Variants in RHCE observed in about 807,000 individuals in gnomAD.
The protein encoded by RHCE is Rh blood group CcEe antigens.
In RHCE, 22 loss-of-function variants were observed where a neutral mutation model predicts 43.8. The ratio of observed to expected loss-of-function variants is 0.50; its 90% CI spans 0.36 to 0.72. The LOEUF is 0.72. Ranked by LOEUF, RHCE falls within the 30% of genes least tolerant of loss-of-function variation. The probability of loss-of-function intolerance (pLI) is 0.00; values close to 1 mark genes in which losing one functional copy is unlikely to be tolerated. For synonymous variants in RHCE, 156 were observed against 210.7 expected, an observed-to-expected ratio of 0.74 and a Z score of 2.25; for missense variants, 385 against 525.4, an observed-to-expected ratio of 0.73 and a Z score of 2.61.
chr1:25,376,710 G>A (rs1645798705), intron 7 of RHCE, among the ~76,000 whole-genome samples: 2 of 152,018 alleles, frequency 1.3e-5, no homozygotes, highest in South Asian at 2.1e-4. Context: ...GTCAGGAGAT[G>A]GAGACCATCC....
intron 8 of RHCE, among the ~76,000 whole-genome samples, chr1:25,371,721 CT>C (rs879386851): frequency 1.5e-4 from 22 of 151,592 alleles, no homozygotes; most frequent in Admixed American, 5.9e-4. Flanking sequence ...ATATGTATTC[CT>C]CCAGCTTCCC....
rs768223782 is a variant in RHCE, at chr1:25,420,655, G to C, written c.132C>G (p.Leu44=). ...AACTCTCACCTTGATAGGATGCCAC[G>C]AGCCCCTTTTGATCCTCTAAGGAAG... The part of the protein sequence containing the change: ...YDASLEDQKG[L]VASYQVGQDL... The change falls in exon 1 of 10, where the codon CTC becomes CTG. Residue 44 remains leucine (L), a synonymous_variant. Transcript: ENST00000294413. The C allele has an allele frequency of 6.2e-7, 1 of 1,613,798 alleles. No homozygotes were observed. The highest frequency in any genetic ancestry group is 8.5e-7 in the Non-Finnish European group (1 of 1,179,826).
upstream of RHCE, among the ~76,000 whole-genome samples, chr1:25,422,362 CA>C (rs1251693871): frequency 6.6e-5 from 10 of 152,082 alleles, no homozygotes; most frequent in African/African-American, 2.2e-4. Context: ...AGTTATATAA[CA>C]GCATGTACAA....
chr1:25,379,457 A>G (rs1187284727), intron 7 of RHCE, among the ~76,000 whole-genome samples: 6 of 28,170 alleles, frequency 2.1e-4, no homozygotes, highest in African/African-American at 7.4e-4. Flanking sequence ...CAAAGTATAT[A>G]TATATATATA....
chr1:25,417,532 C>G (rs1647654730), intron 1 of RHCE, among the ~76,000 whole-genome samples: 1 of 152,118 alleles, frequency 6.6e-6, no homozygotes, highest in African/African-American at 2.4e-5. Flanking sequence ...TCAGATCTGA[C>G]AAGTCAATCA....
In RHCE at chr1:25,362,265, C is replaced by T. The variant is rs1645420036; in HGVS notation, c.*262G>A. ...AATTGTCAATAAAATTAACCCAAAA[C>T]TTTAATAATGTGTCTGTAACCAAGA... is the stretch of plus-strand genomic sequence containing the variant. On this transcript the variant is annotated 3_prime_UTR_variant, in exon 10 of 10. Transcript: ENST00000294413. 1.4e-6 allele frequency: 1 copy of T among 732,028 alleles called. No individual in the cohort carries two copies. Among genetic ancestry groups the T allele is most frequent in the Non-Finnish European group, 2.2e-6 (1 of 459,854 alleles). 45.3% of individuals were successfully genotyped at this position (732,028 alleles called of 1,614,324 possible).
At chr1:25,401,841 GGT>G (rs1491557762) in intron 3 of RHCE, among the ~76,000 whole-genome samples, 37 of 150,656 alleles carry the variant, frequency 2.5e-4, no homozygotes, top group African/African-American at 8.4e-4. Context: ...ACCTCATTTG[GGT>G]ATCTATCTAT....
At chr1:25,422,479 AACTGTT>A (rs1399598638), upstream of RHCE, among the ~76,000 whole-genome samples, 1 of 152,246 alleles carries the variant, frequency 6.6e-6, no homozygotes, top group African/African-American at 2.4e-5. Flanking sequence ...TTTCAGAGCT[AACTGTT>A]ACTAAGTACT....
chr1:25,385,372 C>T (rs537614210), intron 7 of RHCE: 8 of 396,320 alleles, frequency 2.0e-5, no homozygotes, highest in South Asian at 1.2e-4. Flanking sequence ...AGTGGGAGCA[C>T]GTCCACAGCA....
intron 1 of RHCE, among the ~76,000 whole-genome samples, chr1:25,429,232 T>TTTTG (rs1369042903): frequency 6.8e-6 from 1 of 146,742 alleles, no homozygotes; most frequent in African/African-American, 2.7e-5. Flanking sequence ...TTTTTTTTTT[T>TTTTG]TTTTTTTTTT....
intron 3 of RHCE, among the ~76,000 whole-genome samples, chr1:25,393,716 T>C (rs1251458285): frequency 6.6e-6 from 1 of 151,930 alleles, no homozygotes; most frequent in African/African-American, 2.4e-5. Flanking sequence ...AGGTCCAGGT[T>C]CTTGCCACGA....
intron 6 of RHCE, among the ~76,000 whole-genome samples, chr1:25,387,414 G>A (rs1646211456): frequency 2.0e-5 from 3 of 152,188 alleles, no homozygotes; most frequent in Admixed American, 6.5e-5. Context: ...AGCTTGAAAA[G>A]CAAGATGAGT....
intron 9 of RHCE, among the ~76,000 whole-genome samples, chr1:25,369,730 ATTTTTTTTTTTTTT>A (rs3080376): frequency 1.0e-5 from 1 of 95,472 alleles, no homozygotes; most frequent in African/African-American, 4.4e-5. Context: ...CACTGTAAGA[ATTTTTTTTTTTTTT>A]TTTTTTTTTT....
chr1:25,426,422 A>G (rs538484309), intron 2 of RHCE, among the ~76,000 whole-genome samples: 2 of 152,332 alleles, frequency 1.3e-5, no homozygotes, highest in East Asian at 3.9e-4. Context: ...TTTCTACAAC[A>G]ATATAACATG....
chr1:25,414,601 G>A (rs1028358601), intron 1 of RHCE, among the ~76,000 whole-genome samples: 4 of 152,182 alleles, frequency 2.6e-5, no homozygotes, highest in African/African-American at 9.7e-5. Flanking sequence ...AAACTCCTCT[G>A]TCTTCTAGTA....
intron 7 of RHCE, among the ~76,000 whole-genome samples, chr1:25,379,489 ATATATATTTTTTTTTTTTTTTT>A (rs1188744763): frequency 1.0e-4 from 2 of 19,696 alleles, no homozygotes; most frequent in African/African-American, 7.5e-4. Flanking sequence ...ATATATATAT[ATATATATTTTTTTTTTTTTTTT>A]TTTTTTTTTT....
At chr1:25,427,440 G>A (rs2042812712) in intron 2 of RHCE, among the ~76,000 whole-genome samples, 1 of 152,210 alleles carries the variant, frequency 6.6e-6, no homozygotes, top group Non-Finnish European at 1.5e-5. Flanking sequence ...TTCCTGACTG[G>A]TGAAGGTGTG....
upstream of RHCE, among the ~76,000 whole-genome samples, chr1:25,422,960 G>A (rs544052032): frequency 6.6e-6 from 1 of 152,276 alleles, no homozygotes; most frequent in African/African-American, 2.4e-5. Flanking sequence ...AGCTCAGGCG[G>A]TAGTGCTCGC....
chr1:25,417,210 C>T (rs984558635), intron 1 of RHCE, among the ~76,000 whole-genome samples: 8 of 151,164 alleles, frequency 5.3e-5, no homozygotes, highest in East Asian at 1.9e-4. Flanking sequence ...CCTTGTATAT[C>T]GTAAGATATT....
Sources: allele counts gnomAD v4.1 joint callset (sites outside exome capture counted in the v4.1 genomes callset), GRCh38; gene constraint gnomAD v4.1.1; transcripts MANE v1.5; gene names NCBI Gene and HGNC (gene_info 2026-07-23, HGNC 2026-07-21).